Variants in PPP2R2B observed in about 807,000 individuals in gnomAD.
The protein encoded by PPP2R2B is serine/threonine-protein phosphatase 2A 55 kDa regulatory subunit B beta isoform.
In PPP2R2B, 5 loss-of-function variants were observed where a neutral mutation model predicts 46.0. The ratio of observed to expected loss-of-function variants is 0.11; its 90% CI spans 0.06 to 0.23. PPP2R2B has a LOEUF of 0.23. Ranked by LOEUF, PPP2R2B falls within the 10% of genes least tolerant of loss-of-function variation. The pLI, the probability that PPP2R2B is intolerant of heterozygous loss-of-function variation, is 1.00. For synonymous variants in PPP2R2B, 215 were observed against 206.7 expected, an observed-to-expected ratio of 1.04 and a Z score of -0.34; for missense variants, 367 against 575.0, an observed-to-expected ratio of 0.64 and a Z score of 3.70.
At chr5:146,743,413 C>T (rs1752995592) in intron 2 of PPP2R2B, among the ~76,000 whole-genome samples, 1 of 152,160 alleles carries the variant, frequency 6.6e-6, no homozygotes, top group African/African-American at 2.4e-5. Flanking sequence ...ATATTCAGCA[C>T]TCCCTTCACT....
intron 7 of PPP2R2B, among the ~76,000 whole-genome samples, chr5:146,637,131 A>T (rs1774877767): frequency 6.6e-6 from 1 of 152,198 alleles, no homozygotes; most frequent in Non-Finnish European, 1.5e-5. Context: ...CAAATTTTAA[A>T]TTCCTTGAGT....
chr5:146,635,563 G>A (rs776013598), intron 7 of PPP2R2B, among the ~76,000 whole-genome samples: 1 of 152,212 alleles, frequency 6.6e-6, no homozygotes, highest in Admixed American at 6.5e-5. Context: ...GGGCTATGGG[G>A]ATGCCAGGGC....
intron 1 of PPP2R2B, among the ~76,000 whole-genome samples, chr5:146,988,686 C>T (rs1395559984): frequency 6.6e-6 from 1 of 151,586 alleles, no homozygotes; most frequent in Non-Finnish European, 1.5e-5. Context: ...AATAAACAAC[C>T]TAACATTATA....
At chr5:146,706,488 A>T in intron 2 of PPP2R2B, 2 of 1,191,592 alleles carry the variant, frequency 1.7e-6, no homozygotes, top group Non-Finnish European at 1.2e-6. Flanking sequence ...GGTCAGCTTG[A>T]TGTTCATCAG....
intron 2 of PPP2R2B, among the ~76,000 whole-genome samples, chr5:146,735,943 G>A (rs1266372898): frequency 6.6e-6 from 1 of 152,182 alleles, no homozygotes; most frequent in Non-Finnish European, 1.5e-5. Flanking sequence ...AAAATAGACT[G>A]TGATGGTGAC....
At chr5:146,931,993 C>T (rs1427373409) in intron 1 of PPP2R2B, among the ~76,000 whole-genome samples, 1 of 152,110 alleles carries the variant, frequency 6.6e-6, no homozygotes, top group Non-Finnish European at 1.5e-5. Context: ...TGGTCATCAG[C>T]AATAATCTGA....
At chr5:147,069,922 C>T (rs376412859) in intron 2 of PPP2R2B, among the ~76,000 whole-genome samples, 60 of 150,162 alleles carry the variant, frequency 4.0e-4, no homozygotes, top group African/African-American at 1.4e-3. Context: ...TCCTGAGTAG[C>T]TGGGATTACA....
chr5:146,672,716 G>C (rs1328148803), intron 5 of PPP2R2B, among the ~76,000 whole-genome samples: 3 of 152,140 alleles, frequency 2.0e-5, no homozygotes, highest in Non-Finnish European at 4.4e-5. Context: ...TCTATAAGTA[G>C]TATATGCAGC....
At chr5:147,020,160 T>C (rs1755195104) in intron 1 of PPP2R2B, among the ~76,000 whole-genome samples, 1 of 152,102 alleles carries the variant, frequency 6.6e-6, no homozygotes, top group South Asian at 2.1e-4. Flanking sequence ...TCTTTTTTTC[T>C]CCATAGTCAT....
At chr5:147,074,619 G>A (rs1757705065) in intron 2 of PPP2R2B, among the ~76,000 whole-genome samples, 1 of 152,132 alleles carries the variant, frequency 6.6e-6, no homozygotes, top group South Asian at 2.1e-4. Context: ...TGACAGCAAA[G>A]AGTCACAATC....
chr5:146,593,992 G>C (rs1770922246), intron 8 of PPP2R2B, among the ~76,000 whole-genome samples: 1 of 152,148 alleles, frequency 6.6e-6, no homozygotes, highest in Non-Finnish European at 1.5e-5. Flanking sequence ...CTTTTGTTTA[G>C]GGAAAGAGCA....
chr5:146,901,782 G>C (rs1762844859), intron 1 of PPP2R2B, among the ~76,000 whole-genome samples: 1 of 152,058 alleles, frequency 6.6e-6, no homozygotes, highest in Non-Finnish European at 1.5e-5. Flanking sequence ...CAATTCAGTC[G>C]ATTCAAATAA....
chr5:146,999,702 A>G (rs748574669), intron 1 of PPP2R2B, among the ~76,000 whole-genome samples: 4 of 152,218 alleles, frequency 2.6e-5, no homozygotes, highest in Non-Finnish European at 5.9e-5. Context: ...TAAATATGGC[A>G]TAGAACATGT....
intron 6 of PPP2R2B, among the ~76,000 whole-genome samples, chr5:146,647,614 C>A (rs1055615001): frequency 1.3e-5 from 2 of 152,154 alleles, no homozygotes; most frequent in East Asian, 3.8e-4. Flanking sequence ...ACCTAAACTG[C>A]GCTGTTAATA....
intron 2 of PPP2R2B, among the ~76,000 whole-genome samples, chr5:146,876,852 T>TA (rs1761926308): frequency 6.6e-6 from 1 of 152,174 alleles, no homozygotes; most frequent in South Asian, 2.1e-4. Flanking sequence ...TACCCCCAGA[T>TA]GTGTGTGTGT....
chr5:147,081,147 C>T, intron 1 of PPP2R2B: 1 of 1,535,506 alleles, frequency 6.5e-7, no homozygotes, highest in Admixed American at 2.0e-5. Flanking sequence ...CTGAAAACAA[C>T]ACAAGGAGAC....
chr5:146,721,169 C>T (rs773327821), intron 2 of PPP2R2B, among the ~76,000 whole-genome samples: 1 of 152,100 alleles, frequency 6.6e-6, no homozygotes, highest in African/African-American at 2.4e-5. Context: ...CAAACTGGAG[C>T]TGTTTTTCTC....
intron 2 of PPP2R2B, 40 bp from the exon 3 acceptor site, chr5:146,701,182 A>G (rs759961197): frequency 1.4e-6 from 2 of 1,465,014 alleles, no homozygotes; most frequent in South Asian, 2.3e-5. Context: ...GTAACTGCAC[A>G]CTTACTTTGA....
At chr5:146,590,385 G>GTTTTTTTGTGTGTTT (rs1561746750) in intron 9 of PPP2R2B, among the ~76,000 whole-genome samples, 159 bp from the exon 10 acceptor site, 3 of 117,732 alleles carry the variant, frequency 2.5e-5, no homozygotes, top group African/African-American at 9.1e-5. Context: ...TTGGCTTTTT[G>GTTTTTTTGTGTGTTT]TTTTTTTTTT....
Sources: gnomAD v4.1 joint callset for allele counts (sites outside exome capture counted in the v4.1 genomes callset) on GRCh38, gnomAD v4.1.1 for gene constraint, MANE v1.5 for transcripts, NCBI Gene and HGNC (gene_info 2026-07-23, HGNC 2026-07-21) for gene names.